C1orf21: variants seen among roughly 807,000 people sequenced by gnomAD.
C1orf21 encodes uncharacterized protein C1orf21.
In C1orf21, 3 loss-of-function variants were observed where a neutral mutation model predicts 18.7. The observed-to-expected ratio is 0.16, with a 90% CI of 0.07 to 0.42. The LOEUF is 0.42. Among genes scored for constraint, C1orf21 ranks in the 10% least tolerant of loss-of-function variants. The probability of loss-of-function intolerance (pLI) is 0.99; values close to 1 mark genes in which losing one functional copy is unlikely to be tolerated. For missense variants in C1orf21, 104 were observed against 143.6 expected (o/e 0.72, Z 1.41); for synonymous variants, 41 against 46.4 (o/e 0.88, Z 0.47).
chr1:184,478,662 T>C (rs567378211), intron 2 of C1orf21, among the ~76,000 whole-genome samples: 10 of 152,344 alleles, frequency 6.6e-5, no homozygotes, highest in Admixed American at 1.3e-4. Context: ...ACTTACAGGC[T>C]ATTATGCTTG....
At chr1:184,573,021 C>T (rs1388491481) in intron 3 of C1orf21, among the ~76,000 whole-genome samples, 1 of 151,710 alleles carries the variant, frequency 6.6e-6, no homozygotes, top group Non-Finnish European at 1.5e-5. Flanking sequence ...GGTGTAGGCA[C>T]TCTCTCAGCC....
intron 3 of C1orf21, among the ~76,000 whole-genome samples, chr1:184,561,911 A>G (rs1399717932): frequency 6.6e-6 from 1 of 151,860 alleles, no homozygotes; most frequent in Non-Finnish European, 1.5e-5. Context: ...GTTTTTAAAA[A>G]CATGTTCCTT....
intron 3 of C1orf21, chr1:184,567,624 T>A: frequency 4.6e-6 from 2 of 437,102 alleles, no homozygotes. Flanking sequence ...CAGTGGAGGA[T>A]GCTAGGCAGA....
chr1:184,537,369 A>G (rs998681640), intron 3 of C1orf21, among the ~76,000 whole-genome samples: 3 of 152,158 alleles, frequency 2.0e-5, no homozygotes, highest in African/African-American at 4.8e-5. Context: ...AGTGCCTCAT[A>G]TAAGTGGAAT....
chr1:184,612,836 G>A (rs1659758420), intron 5 of C1orf21, among the ~76,000 whole-genome samples: 1 of 152,126 alleles, frequency 6.6e-6, no homozygotes, highest in Non-Finnish European at 1.5e-5. Context: ...AAGATATTTT[G>A]AGAGAGAGAG....
At chr1:184,398,936 G>A (rs555873670) in intron 1 of C1orf21, among the ~76,000 whole-genome samples, 24 of 151,978 alleles carry the variant, frequency 1.6e-4, no homozygotes, top group East Asian at 3.9e-4. Context: ...ATACAGAGTC[G>A]TTTTCCTTTT....
At chr1:184,396,997 G>C (rs1173321547) in intron 1 of C1orf21, among the ~76,000 whole-genome samples, 1 of 152,176 alleles carries the variant, frequency 6.6e-6, no homozygotes, top group Non-Finnish European at 1.5e-5. Context: ...AGTTGAAGCT[G>C]TTGTGGTTCA....
chr1:184,489,566 T>C (rs192060116), intron 2 of C1orf21, among the ~76,000 whole-genome samples: 5 of 152,196 alleles, frequency 3.3e-5, no homozygotes, highest in Non-Finnish European at 7.3e-5. Flanking sequence ...GACCCAGTGC[T>C]AGGAATTTAT....
chr1:184,486,977 C>CTGG (rs1657741856), intron 2 of C1orf21, among the ~76,000 whole-genome samples: 1 of 152,212 alleles, frequency 6.6e-6, no homozygotes, highest in African/African-American at 2.4e-5. Context: ...TGGGTGCTTC[C>CTGG]TGGCCCTCTG....
chr1:184,396,827 TC>T (rs2101954935), intron 1 of C1orf21, among the ~76,000 whole-genome samples: 1 of 152,246 alleles, frequency 6.6e-6, no homozygotes, highest in East Asian at 1.9e-4. Flanking sequence ...GCTAATAACA[TC>T]CCCCCACCGC....
chr1:184,482,818 A>T (rs1352953602), intron 2 of C1orf21, among the ~76,000 whole-genome samples: 1 of 152,040 alleles, frequency 6.6e-6, no homozygotes, highest in Admixed American at 6.6e-5. Flanking sequence ...TTGATGCCCA[A>T]TGTGTTTATA....
intron 1 of C1orf21, among the ~76,000 whole-genome samples, chr1:184,466,122 G>C (rs1355200289): frequency 6.6e-6 from 1 of 152,196 alleles, no homozygotes; most frequent in African/African-American, 2.4e-5. Context: ...TTTGGAATAG[G>C]CTACAATTTC....
chr1:184,388,204 G>A (rs1655917274), intron 1 of C1orf21, among the ~76,000 whole-genome samples: 1 of 152,064 alleles, frequency 6.6e-6, no homozygotes, highest in African/African-American at 2.4e-5. Flanking sequence ...TGGGCTTAAG[G>A]GCTCTCAGCA....
chr1:184,426,293 T>A (rs1243096561), intron 1 of C1orf21, among the ~76,000 whole-genome samples: 1 of 152,208 alleles, frequency 6.6e-6, no homozygotes, highest in East Asian at 1.9e-4. Context: ...CTGCCAGGAT[T>A]ACTGAGGAGT....
At chr1:184,605,330 C>T (rs1471813774) in intron 5 of C1orf21, among the ~76,000 whole-genome samples, 1 of 152,174 alleles carries the variant, frequency 6.6e-6, no homozygotes, top group East Asian at 1.9e-4. Flanking sequence ...TCTAAAAGGA[C>T]TCACTTTAGA....
chr1:184,500,908 G>A (rs1220136380), intron 2 of C1orf21, among the ~76,000 whole-genome samples: 2 of 152,096 alleles, frequency 1.3e-5, no homozygotes, highest in Non-Finnish European at 2.9e-5. Flanking sequence ...CCAGCCCCCC[G>A]GCAGCTGACC....
intron 3 of C1orf21, among the ~76,000 whole-genome samples, chr1:184,571,539 C>G (rs1294016411): frequency 6.6e-6 from 1 of 152,126 alleles, no homozygotes; most frequent in African/African-American, 2.4e-5. Flanking sequence ...CCAGTTATAC[C>G]TGGTCCCTCT....
chr1:184,602,848 G>T (rs989822148), intron 5 of C1orf21, among the ~76,000 whole-genome samples: 1 of 152,234 alleles, frequency 6.6e-6, no homozygotes, highest in African/African-American at 2.4e-5. Flanking sequence ...TTATGAAGAT[G>T]TAAGACCCTA....
In C1orf21 at chr1:184,440,532, G is replaced by A. The variant is rs183262689; in HGVS notation, c.-124-36854G>A. Reference sequence around the variant, plus strand: ...CTCCCAAAGTGCTGGGATTACAGGCGTGAGCCACTGCACCTGGCCTTTTTT... The same window carrying A: ...CTCCCAAAGTGCTGGGATTACAGGCATGAGCCACTGCACCTGGCCTTTTTT... On this transcript the variant is annotated intron_variant, in intron 1 of 5. Coordinates refer to ENST00000235307, the MANE Select transcript of C1orf21 (RefSeq NM_030806.4). Among the ~76,000 whole-genome samples, 7 of 151,030 alleles carry A rather than the reference G, an allele frequency of 4.6e-5. 1 individual carries two copies. The highest frequency in any genetic ancestry group is 4.9e-5 in the African/African-American group (2 of 41,118).
Sources: gnomAD v4.1 joint callset for allele counts (sites outside exome capture counted in the v4.1 genomes callset) on GRCh38, gnomAD v4.1.1 for gene constraint, MANE v1.5 for transcripts, NCBI Gene and HGNC (gene_info 2026-07-23, HGNC 2026-07-21) for gene names.